The following IKBKB-DT variants were observed in gnomAD, a reference collection of about 807,000 sequenced individuals.
IKBKB-DT encodes the protein IKBKB antisense RNA.
At chr8:42,257,484 A>C (rs1807220673) in intron 3 of IKBKB-DT, among the ~76,000 whole-genome samples, 1 of 150,236 alleles carries the variant, frequency 6.7e-6, no homozygotes, top group African/African-American at 2.4e-5. Flanking sequence ...CTGGCAACAG[A>C]GCGAGACTCC....
Position 42,262,500 on chromosome 8 carries a change from C to T in IKBKB-DT, n.1529+829G>A, listed in dbSNP as rs868471638. Among the ~76,000 whole-genome samples the T allele has an allele frequency of 6.6e-5, 10 of 151,824 alleles. 1 individual carries two copies. The highest frequency in any genetic ancestry group is 7.4e-5 in the Non-Finnish European group (5 of 68,004). ...TGTGGCCCAGGCTGGAGTACAACGG[C>T]GCAATCTTGGCTCACTGCAAGCTCC... On this transcript the variant is annotated intron_variant and non_coding_transcript_variant, in intron 3 of 3. Coordinates refer to ENST00000518213, the Ensembl canonical transcript of IKBKB-DT.
rs573499818 is a variant in IKBKB-DT at position 42,268,417 on chromosome 8, A to G, written n.604-2021T>C. On this transcript the variant is annotated intron_variant and non_coding_transcript_variant, in intron 1 of 3. Transcript: ENST00000518213. ...CCCAAAGTGCTGGCATTACAGGTGT[A>G]AGCCACTGTGCCTGGCCTAATTTTT... Among the ~76,000 whole-genome samples, 41 of 151,328 alleles carry G rather than the reference A, an allele frequency of 2.7e-4. No individual in the cohort carries two copies. The South Asian group carries it at 7.9e-3, about 29-fold the overall frequency.
chr8:42,246,521 T>C (rs1362470641), intron 3 of IKBKB-DT, among the ~76,000 whole-genome samples: 1 of 152,178 alleles, frequency 6.6e-6, no homozygotes, highest in Non-Finnish European at 1.5e-5. Context: ...AACTTATATG[T>C]CAGGATCCAG....
At chr8:42,240,686 C>T (rs1341665090) in intron 3 of IKBKB-DT, among the ~76,000 whole-genome samples, 1 of 118,032 alleles carries the variant, frequency 8.5e-6, no homozygotes, top group African/African-American at 3.3e-5. Context: ...ACCTTGAAAA[C>T]AGAATGTGGG....
At chr8:42,237,075 G>T (rs1199559077) in intron 3 of IKBKB-DT, among the ~76,000 whole-genome samples, 1 of 137,648 alleles carries the variant, frequency 7.3e-6, no homozygotes, top group South Asian at 2.2e-4. Context: ...ACGAGAGAAG[G>T]CTCAGTTTTT....
chr8:42,265,651 CT>C (rs1807359572), exon 2 of IKBKB-DT: 1 of 152,390 alleles, frequency 6.6e-6, no homozygotes, highest in Admixed American at 6.5e-5. Flanking sequence ...GGCCCATAGC[CT>C]TTGTCTCCGC....
At chr8:42,257,634 T>C (rs1253395542) in intron 3 of IKBKB-DT, among the ~76,000 whole-genome samples, 2 of 151,822 alleles carry the variant, frequency 1.3e-5, no homozygotes, top group Non-Finnish European at 2.9e-5. Context: ...TTCAAAGTTG[T>C]CAAAAATGCC....
chr8:42,268,291 C>T (rs535007759), intron 1 of IKBKB-DT, among the ~76,000 whole-genome samples: 30 of 151,960 alleles, frequency 2.0e-4, no homozygotes, highest in South Asian at 1.2e-3. Flanking sequence ...CGTGCCACCA[C>T]GCCCAGCTAA....
At chr8:42,270,039 C>G (rs1332981828) in intron 1 of IKBKB-DT, among the ~76,000 whole-genome samples, 2 of 152,184 alleles carry the variant, frequency 1.3e-5, no homozygotes, top group Admixed American at 6.5e-5. Context: ...AGCCCCCGTG[C>G]CTCAGAGGTA....
At chr8:42,248,577 C>A (rs1390496418) in intron 3 of IKBKB-DT, among the ~76,000 whole-genome samples, 11 of 151,780 alleles carry the variant, frequency 7.2e-5, no homozygotes, top group Admixed American at 6.6e-4. Flanking sequence ...GGTGGGTATG[C>A]CTTTTTTTAA....
chr8:42,247,094 C>T (rs903661784), intron 3 of IKBKB-DT, among the ~76,000 whole-genome samples: 10 of 152,164 alleles, frequency 6.6e-5, no homozygotes, highest in Non-Finnish European at 1.2e-4. Context: ...CCACCGACAG[C>T]TTGCATCGTG....
intron 3 of IKBKB-DT, among the ~76,000 whole-genome samples, chr8:42,261,352 T>G (rs1387027601): frequency 7.2e-5 from 11 of 152,074 alleles, no homozygotes; most frequent in Non-Finnish European, 1.5e-4. Context: ...ATATATTTCT[T>G]TTGAGGAATG....
chr8:42,246,366 A>C (rs576757885), intron 3 of IKBKB-DT, among the ~76,000 whole-genome samples: 3 of 152,296 alleles, frequency 2.0e-5, no homozygotes, highest in Admixed American at 2.0e-4. Flanking sequence ...GTAAAAAAAA[A>C]TTGCAGAAAA....
intron 3 of IKBKB-DT, among the ~76,000 whole-genome samples, chr8:42,237,738 G>C (rs1206824730): frequency 6.6e-6 from 1 of 151,898 alleles, no homozygotes; most frequent in Non-Finnish European, 1.5e-5. Flanking sequence ...TGAAGAATAA[G>C]GACTGGCCAG....
intron 3 of IKBKB-DT, among the ~76,000 whole-genome samples, chr8:42,254,510 G>T (rs2129920958): frequency 6.6e-6 from 1 of 151,096 alleles, no homozygotes; most frequent in South Asian, 2.1e-4. Flanking sequence ...CCAACCATCT[G>T]GGAAGTGAGG....
At chr8:42,248,931 G>C (rs1807096156) in intron 3 of IKBKB-DT, 1 of 151,526 alleles carries the variant, frequency 6.6e-6, no homozygotes. Context: ...ATAAACAAAG[G>C]TGTAAATTTT....
intron 3 of IKBKB-DT, among the ~76,000 whole-genome samples, chr8:42,236,921 T>C (rs1404116826): frequency 6.6e-6 from 1 of 152,166 alleles, no homozygotes; most frequent in Non-Finnish European, 1.5e-5. Flanking sequence ...GGTCTCACCA[T>C]GTTGCCCAGG....
chr8:42,269,053 A>C (rs1241605113), intron 1 of IKBKB-DT, among the ~76,000 whole-genome samples: 1 of 151,482 alleles, frequency 6.6e-6, no homozygotes, highest in Non-Finnish European at 1.5e-5. Flanking sequence ...GGTGGCTCAC[A>C]CCTGTAATCC....
intron 3 of IKBKB-DT, among the ~76,000 whole-genome samples, chr8:42,234,656 G>A (rs1806894522): frequency 6.6e-6 from 1 of 151,984 alleles, no homozygotes; most frequent in Non-Finnish European, 1.5e-5. Context: ...TTGAGATGGA[G>A]TCTCACTCTG....
Sources: allele counts gnomAD v4.1 joint callset (sites outside exome capture counted in the v4.1 genomes callset), GRCh38; gene constraint gnomAD v4.1.1; transcripts MANE v1.5; gene names NCBI Gene and HGNC (gene_info 2026-07-23, HGNC 2026-07-21).